The following GPCPD1 variants were observed in gnomAD, a reference collection of about 807,000 sequenced individuals.
GPCPD1 encodes glycerophosphocholine phosphodiesterase 1.
Under a neutral mutation model 89.2 loss-of-function variants are expected in GPCPD1, and 29 were observed. That is an observed-to-expected ratio of 0.33 (90% CI 0.24 to 0.44). GPCPD1 has a LOEUF of 0.44. Among genes scored for constraint, GPCPD1 ranks in the 20% least tolerant of loss-of-function variants. The pLI is 1.00. For missense variants in GPCPD1, 594 were observed against 808.9 expected (o/e 0.73, Z 3.22); for synonymous variants, 258 against 266.3 (o/e 0.97, Z 0.30).
chr20:5,578,415 G>C lies in GPCPD1; in HGVS notation c.670C>G (p.Pro224Ala). The change falls in exon 8 of 20, where the codon CCA becomes GCA. Residue 224 changes from proline to alanine, a missense_variant. Pro to Ala is a conservative substitution (Grantham distance 27, BLOSUM62 -1). Transcript: ENST00000379019. The stretch of plus-strand genomic sequence containing the variant: ...TCAAAGATTAGTTCCAGGTTATCTG[G>C]TTCCATCGTCTGTATGCTGTACTCT... ...WTEYSIQTME[P>A]DNLELIFDFF... 2 of 1,613,272 alleles carry C rather than the reference G, an allele frequency of 1.2e-6. No individual in the cohort carries two copies. The highest frequency in any genetic ancestry group is 1.7e-6 in the Non-Finnish European group (2 of 1,179,214).
chr20:5,599,228 C>T (rs1473524998), intron 2 of GPCPD1, among the ~76,000 whole-genome samples: 2 of 152,066 alleles, frequency 1.3e-5, no homozygotes, highest in African/African-American at 4.8e-5. Flanking sequence ...GAAAGTCAAA[C>T]AGTAGCTACT....
chr20:5,552,502 T>G (rs907243568), intron 19 of GPCPD1, among the ~76,000 whole-genome samples: 1 of 152,356 alleles, frequency 6.6e-6, no homozygotes, highest in South Asian at 2.1e-4. Flanking sequence ...TGCCTGAAAT[T>G]TGTATACTCT....
intron 1 of GPCPD1, among the ~76,000 whole-genome samples, chr20:5,606,546 T>A (rs1980597112): frequency 6.6e-6 from 1 of 152,220 alleles, no homozygotes; most frequent in Non-Finnish European, 1.5e-5. Flanking sequence ...GGTAGATAGA[T>A]CTATACCAGC....
At chr20:5,605,336 G>A (rs1371146960) in intron 1 of GPCPD1, among the ~76,000 whole-genome samples, 2 of 152,090 alleles carry the variant, frequency 1.3e-5, no homozygotes, top group Non-Finnish European at 2.9e-5. Context: ...AACAACTATA[G>A]AGAGAAAAAA....
intron 1 of GPCPD1, among the ~76,000 whole-genome samples, chr20:5,607,950 C>T (rs372399880): frequency 2.0e-5 from 3 of 152,156 alleles, no homozygotes; most frequent in East Asian, 1.9e-4. Flanking sequence ...GGTGCCCTTT[C>T]ATTTGGTGTT....
rs886147372 is a variant in GPCPD1 at position 5,559,868 on chromosome 20, C to A, written c.1532+72G>T. On this transcript the variant is annotated intron_variant, in intron 17 of 19. Transcript: ENST00000379019. The stretch of plus-strand genomic sequence containing the variant: ...ATGGGGGAAAGCTGGACAACTACCC[C>A]ACCTCCAGACTGCTGCCTTAAGTCC... 2.4e-5 allele frequency: 18 copies of A among 759,238 alleles called. No individual in the cohort carries two copies. In the African/African-American group the frequency reaches 3.3e-4, roughly 14 times the overall value. The allele number at this position is 759,238 out of a possible 1,614,324, so 47.0% of individuals were successfully genotyped here.
rs141464210 is a variant in GPCPD1, at chr20:5,601,568, C to T, written c.50-2747G>A. Among the ~76,000 whole-genome samples, 324 of 152,034 alleles carry T rather than the reference C, an allele frequency of 2.1e-3. 1 individual carries two copies. The highest frequency in any genetic ancestry group is 7.3e-3 in the African/African-American group (303 of 41,478). ...ATTTTTAGTAGAGACGGAGTTTCAC[C>T]TTGTTGGTCCAGTTGGTCTCAAACT... On this transcript the variant is annotated intron_variant, in intron 2 of 19. Coordinates refer to ENST00000379019, the MANE Select transcript of GPCPD1 (RefSeq NM_019593.5).
intron 7 of GPCPD1, 51 bp from the exon 8 acceptor site, chr20:5,578,662 C>A: frequency 1.7e-6 from 2 of 1,154,438 alleles, no homozygotes; most frequent in East Asian, 4.8e-5. Context: ...AAAAGAAAAA[C>A]TCATACAAAT....
At position 5,546,616 on chromosome 20, in the gene GPCPD1, A is replaced by G. The variant is rs1388302486; in HGVS notation, c.*1045T>C. On this transcript the variant is annotated 3_prime_UTR_variant, in exon 20 of 20. Coordinates refer to ENST00000379019, the MANE Select transcript of GPCPD1 (RefSeq NM_019593.5). ...CTACATTTCTAAATAAATTACATGCATGATATACAATAAAGAATACTAATA... is the reference window on the plus strand; with the variant it reads ...CTACATTTCTAAATAAATTACATGCGTGATATACAATAAAGAATACTAATA... 1.3e-5 allele frequency: 2 copies of G among 152,462 alleles called. No homozygotes were observed. The highest frequency in any genetic ancestry group is 1.9e-4 in the East Asian group (1 of 5,194). 9.4% of individuals were successfully genotyped at this position (152,462 alleles called of 1,614,324 possible). A position where few individuals can be genotyped will look rare whatever the true frequency, so the allele number is the denominator to read the frequency against.
At chr20:5,573,012 T>C (rs1456674624) in intron 11 of GPCPD1, among the ~76,000 whole-genome samples, 2 of 151,874 alleles carry the variant, frequency 1.3e-5, no homozygotes, top group African/African-American at 4.8e-5. Context: ...GGTGGGACTA[T>C]AGGTATGAGC....
chr20:5,577,116 G>A (rs546750639), intron 8 of GPCPD1, among the ~76,000 whole-genome samples: 42 of 143,952 alleles, frequency 2.9e-4, no homozygotes, highest in Non-Finnish European at 5.3e-4. Flanking sequence ...TCAGGCTGGA[G>A]TGCAGTGGTG....
At chr20:5,570,494 T>A (rs1021813421) in intron 11 of GPCPD1, among the ~76,000 whole-genome samples, 3 of 146,956 alleles carry the variant, frequency 2.0e-5, no homozygotes, top group East Asian at 4.0e-4. Flanking sequence ...GCAGTGGCAG[T>A]GAGACAGCCT....
chr20:5,584,362 T>G, intron 5 of GPCPD1, 40 bp from the exon 6 acceptor site: 1 of 830,728 alleles, frequency 1.2e-6, no homozygotes, highest in Non-Finnish European at 2.1e-6. Flanking sequence ...TTAAAACTCT[T>G]GATGCATACC....
chr20:5,594,599 G>C (rs1979579319), intron 3 of GPCPD1, among the ~76,000 whole-genome samples: 1 of 152,036 alleles, frequency 6.6e-6, no homozygotes, highest in Non-Finnish European at 1.5e-5. Flanking sequence ...GCCGCCTCCA[G>C]GTAACTTTTA....
intron 5 of GPCPD1, 123 bp downstream of exon 5, chr20:5,586,071 T>C (rs1256639951): frequency 1.0e-5 from 5 of 483,764 alleles, no homozygotes; most frequent in Non-Finnish European, 1.9e-5. Flanking sequence ...GTGAAATTTG[T>C]AGCACTGACA....
intron 8 of GPCPD1, 25 bp from the exon 9 acceptor site, chr20:5,576,003 T>C (rs1288022876): frequency 6.9e-7 from 1 of 1,446,322 alleles, no homozygotes; most frequent in Admixed American, 1.8e-5. Flanking sequence ...TTTAAAATAA[T>C]CTTAATTTTT....
At chr20:5,604,494 C>T (rs932733004) in intron 1 of GPCPD1, 54 bp from the exon 2 acceptor site, 2 of 776,838 alleles carry the variant, frequency 2.6e-6, no homozygotes, top group East Asian at 2.7e-5. Context: ...CCTTAGCTAG[C>T]CACCATCAAG....
At chr20:5,565,170 AAGAG>A (rs773778878) in intron 14 of GPCPD1, 92 bp from the exon 15 acceptor site, 44 of 745,198 alleles carry the variant, frequency 5.9e-5, no homozygotes, top group South Asian at 3.4e-4. Flanking sequence ...AAAACAGGGA[AAGAG>A]AGAGAGAGTG....
At position 5,594,115 on chromosome 20, in the gene GPCPD1, T is replaced by C. The variant is rs571430634; in HGVS notation, c.147-704A>G. On this transcript the variant is annotated intron_variant, in intron 3 of 19. Coordinates refer to ENST00000379019, the MANE Select transcript of GPCPD1 (RefSeq NM_019593.5). ...TCAAGAATTCACTACAATTCATTAC[T>C]GTAACTGAGTTTTAGCTTCAAATAA... is the stretch of plus-strand genomic sequence containing the variant. Among the ~76,000 whole-genome samples the C allele has an allele frequency of 7.2e-5, 11 of 152,340 alleles. No individual in the cohort carries two copies. In the South Asian group the frequency reaches 1.5e-3, roughly 20 times the overall value.
Sources: gnomAD v4.1 joint callset for allele counts (sites outside exome capture counted in the v4.1 genomes callset) on GRCh38, gnomAD v4.1.1 for gene constraint, MANE v1.5 for transcripts, NCBI Gene and HGNC (gene_info 2026-07-23, HGNC 2026-07-21) for gene names.